NTNG1: variants seen among roughly 807,000 people sequenced by gnomAD.
The protein encoded by NTNG1 is netrin G1.
In NTNG1, 16 loss-of-function variants were observed where a neutral mutation model predicts 54.0. That is an observed-to-expected ratio of 0.30 (90% confidence interval 0.20 to 0.45). The LOEUF is 0.45. NTNG1 is among the 20% of genes least tolerant of loss of function. The probability of loss-of-function intolerance (pLI) is 1.00; values close to 1 mark genes in which losing one functional copy is unlikely to be tolerated. For synonymous variants in NTNG1, 255 were observed against 263.1 expected (o/e 0.97, Z 0.30); for missense variants, 530 against 678.7 (o/e 0.78, Z 2.43).
chr1:107,463,333 C>G (rs1206921824), intron 7 of NTNG1, among the ~76,000 whole-genome samples: 1 of 152,046 alleles, frequency 6.6e-6, no homozygotes, highest in Non-Finnish European at 1.5e-5. Context: ...CTTTATTGCT[C>G]TTGGCAATAT....
At position 107,470,758 on chromosome 1, in the gene NTNG1, A is replaced by G. The variant is rs72989713; in HGVS notation, c.1391-9853A>G. 2.7e-3 allele frequency among the ~76,000 whole-genome samples: 418 copies of G among 152,290 alleles called. 7 individuals are homozygous for G. The highest frequency in any genetic ancestry group is 9.3e-3 in the African/African-American group (386 of 41,554). ...AGAAAGTCTGTGACTTCTCAGCACC[A>G]TTTTTATGAGAACCTTGTCTGTGTC... On this transcript the variant is annotated intron_variant, in intron 7 of 7. Coordinates refer to ENST00000370068, the MANE Select transcript of NTNG1 (RefSeq NM_001113226.3).
rs529648858 is a variant in NTNG1 at position 107,227,518 on chromosome 1, G to A, written c.246+78679G>A. 3.3e-5 allele frequency among the ~76,000 whole-genome samples: 5 copies of A among 152,140 alleles called. No homozygotes were observed. In the East Asian group the frequency reaches 9.7e-4, roughly 29 times the overall value. On this transcript the variant is annotated intron_variant, in intron 2 of 7. Transcript: ENST00000370068. ...CTTAGGTTTGACTAGCTGGCTCCTC[G>A]GTTGGTCCCTTGAGCAAATCAATTC...
intron 2 of NTNG1, among the ~76,000 whole-genome samples, chr1:107,318,372 C>G (rs1052489976): frequency 6.6e-5 from 10 of 151,668 alleles, no homozygotes; most frequent in African/African-American, 1.9e-4. Flanking sequence ...GAATAATGGC[C>G]CTAAAGCACA....
chr1:107,208,441 A>AAAAAG (rs1553201435), intron 2 of NTNG1, among the ~76,000 whole-genome samples: 102 of 149,858 alleles, frequency 6.8e-4, no homozygotes, highest in South Asian at 1.7e-3. Context: ...AAAAAAAAAA[A>AAAAAG]AAAGAAAGAA....
chr1:107,391,692 C>T (rs895452845), intron 3 of NTNG1, among the ~76,000 whole-genome samples: 4 of 152,106 alleles, frequency 2.6e-5, no homozygotes, highest in South Asian at 2.1e-4. Flanking sequence ...ATGGCAAGAG[C>T]AGGAACAAGA....
chr1:107,247,342 C>A (rs1278728920), intron 2 of NTNG1, among the ~76,000 whole-genome samples: 1 of 152,148 alleles, frequency 6.6e-6, no homozygotes, highest in East Asian at 1.9e-4. Context: ...AGGAGAGAAA[C>A]AAGCTAAGAA....
intron 3 of NTNG1, among the ~76,000 whole-genome samples, chr1:107,367,863 G>C (rs1321260273): frequency 2.0e-5 from 3 of 152,058 alleles, no homozygotes; most frequent in Non-Finnish European, 4.4e-5. Context: ...CCTGGTTCAA[G>C]CGATTCTCCC....
chr1:107,240,621 G>C (rs1037734391), intron 2 of NTNG1, among the ~76,000 whole-genome samples: 1 of 152,158 alleles, frequency 6.6e-6, no homozygotes, highest in Non-Finnish European at 1.5e-5. Context: ...AATCCTTCTT[G>C]TTCTCTGAAA....
chr1:107,436,831 C>G (rs1001262871), intron 7 of NTNG1, 32 bp downstream of exon 7: 4 of 1,607,728 alleles, frequency 2.5e-6, no homozygotes, highest in Admixed American at 3.3e-5. Context: ...CCTCTGCCTG[C>G]TGCAGCATGG....
At position 107,205,205 on chromosome 1, in the gene NTNG1, A is replaced by G. The variant is rs192035637; in HGVS notation, c.246+56366A>G. ...CCAAAAATTCAATAATCCATTTTAA[A>G]TGTTTCTATGAGTCTATGGCTTCAG... On this transcript the variant is annotated intron_variant, in intron 2 of 7. Coordinates refer to ENST00000370068, the MANE Select transcript of NTNG1 (RefSeq NM_001113226.3). 2.4e-3 allele frequency among the ~76,000 whole-genome samples: 365 copies of G among 152,278 alleles called. 4 individuals are homozygous for G. Among genetic ancestry groups the G allele is most frequent in the African/African-American group, 8.6e-3 (357 of 41,556 alleles).
chr1:107,166,807 C>T (rs1655829630), intron 2 of NTNG1, among the ~76,000 whole-genome samples: 1 of 151,944 alleles, frequency 6.6e-6, no homozygotes, highest in South Asian at 2.1e-4. Flanking sequence ...CTTTGCCTAT[C>T]AAAAACGTTC....
intron 3 of NTNG1, among the ~76,000 whole-genome samples, chr1:107,350,994 C>T (rs1046947080): frequency 1.3e-5 from 2 of 152,098 alleles, no homozygotes; most frequent in Non-Finnish European, 2.9e-5. Context: ...AATGTTCTCC[C>T]CACACACACA....
At chr1:107,316,390 CACCCTGTG>C (rs1667338512) in intron 2 of NTNG1, among the ~76,000 whole-genome samples, 1 of 152,092 alleles carries the variant, frequency 6.6e-6, no homozygotes, top group Non-Finnish European at 1.5e-5. Context: ...TTTCTTCAGC[CACCCTGTG>C]TTGGTTTGGA....
intron 7 of NTNG1, among the ~76,000 whole-genome samples, chr1:107,472,158 T>G (rs1678020648): frequency 6.6e-6 from 1 of 152,174 alleles, no homozygotes; most frequent in East Asian, 1.9e-4. Context: ...ATGCTTTTAG[T>G]GCGTATGAGG....
At chr1:107,375,147 A>G (rs2101006699) in intron 3 of NTNG1, among the ~76,000 whole-genome samples, 1 of 152,312 alleles carries the variant, frequency 6.6e-6, no homozygotes, top group East Asian at 1.9e-4. Context: ...CAGGGGGACC[A>G]TGTACAGATC....
At chr1:107,424,762 C>A (rs1674791394) in intron 5 of NTNG1, among the ~76,000 whole-genome samples, 1 of 152,084 alleles carries the variant, frequency 6.6e-6, no homozygotes, top group African/African-American at 2.4e-5. Flanking sequence ...AGTGGAAATT[C>A]TTGGAAGGCA....
intron 2 of NTNG1, among the ~76,000 whole-genome samples, chr1:107,297,136 TAAC>T (rs1557878083): frequency 7.0e-6 from 1 of 141,858 alleles, no homozygotes; most frequent in Non-Finnish European, 1.5e-5. Flanking sequence ...TATATATATA[TAAC>T]ATCATATATA....
At chr1:107,218,987 C>T (rs553162927) in intron 2 of NTNG1, among the ~76,000 whole-genome samples, 1 of 152,184 alleles carries the variant, frequency 6.6e-6, no homozygotes, top group South Asian at 2.1e-4. Flanking sequence ...GATTATAGCT[C>T]CAAATATGTT....
intron 7 of NTNG1, among the ~76,000 whole-genome samples, chr1:107,455,046 C>G (rs1405918492): frequency 6.6e-6 from 1 of 151,904 alleles, no homozygotes; most frequent in Non-Finnish European, 1.5e-5. Context: ...GAACATTAGT[C>G]ACTCACATGG....
Sources: allele counts gnomAD v4.1 joint callset (sites outside exome capture counted in the v4.1 genomes callset), GRCh38; gene constraint gnomAD v4.1.1; transcripts MANE v1.5; gene names NCBI Gene and HGNC (gene_info 2026-07-23, HGNC 2026-07-21).